Variants in ENKUR observed in about 807,000 individuals in gnomAD.
The protein encoded by ENKUR is enkurin.
ENKUR carries 19 observed loss-of-function variants against 27.6 expected under a neutral mutation model. That is an observed-to-expected ratio of 0.69 (90% CI 0.48 to 1.01). The LOEUF (loss-of-function observed/expected upper bound fraction) is 1.01. ENKUR is among the 50% of genes least tolerant of loss of function. ENKUR has a pLI of 0.00. For synonymous variants in ENKUR, 117 were observed against 96.9 expected (o/e 1.21, Z -1.22); for missense variants, 312 against 310.5 (o/e 1.00, Z -0.04).
At chr10:25,057,633 C>T (rs1331961415) in intron 2 of ENKUR, among the ~76,000 whole-genome samples, 5 of 152,098 alleles carry the variant, frequency 3.3e-5, no homozygotes, top group Non-Finnish European at 5.9e-5. Flanking sequence ...AAATTATCAC[C>T]CTTGTACCAC....
intron 2 of ENKUR, among the ~76,000 whole-genome samples, chr10:25,022,142 G>T (rs763955005): frequency 3.3e-5 from 5 of 152,114 alleles, no homozygotes; most frequent in Non-Finnish European, 5.9e-5. Flanking sequence ...CATTGCACAG[G>T]TATTATACTG....
intron 2 of ENKUR, among the ~76,000 whole-genome samples, chr10:25,045,008 A>G (rs1851106977): frequency 6.6e-6 from 1 of 152,156 alleles, no homozygotes; most frequent in African/African-American, 2.4e-5. Flanking sequence ...CTTACACTTT[A>G]TCCATTTATG....
chr10:25,061,307 C>G (rs1311512437), exon 2 of ENKUR: 1 of 662,008 alleles, frequency 1.5e-6, no homozygotes. Context: ...TTTCTTGTGC[C>G]GCTCCTCCAG....
At chr10:25,018,811 C>G (rs1238763350), upstream of ENKUR, among the ~76,000 whole-genome samples, 17 of 151,892 alleles carry the variant, frequency 1.1e-4, no homozygotes, top group Non-Finnish European at 2.2e-4. Flanking sequence ...ATTGTGGATA[C>G]TAAAGTTTTC....
chr10:25,003,836 C>T (rs887066428), intron 1 of ENKUR, among the ~76,000 whole-genome samples: 9 of 152,196 alleles, frequency 5.9e-5, no homozygotes, highest in Admixed American at 3.9e-4. Context: ...CCACCCCCAG[C>T]CTCCGATAGG....
intron 4 of ENKUR, 136 bp from the exon 5 acceptor site, chr10:24,985,041 T>C (rs1849751589): frequency 4.0e-6 from 3 of 748,948 alleles, no homozygotes; most frequent in African/African-American, 1.8e-5. Context: ...GAAATGTATT[T>C]ATCAAGTACT....
chr10:25,016,443 G>T (rs1850576008), upstream of ENKUR, among the ~76,000 whole-genome samples: 2 of 152,240 alleles, frequency 1.3e-5, no homozygotes, highest in South Asian at 2.1e-4. Flanking sequence ...TTGTGAGCAG[G>T]CCCCAATCGC....
chr10:25,023,773 GACTT>G (rs1175405684), intron 2 of ENKUR: 3 of 1,613,988 alleles, frequency 1.9e-6, no homozygotes, highest in South Asian at 1.1e-5. Context: ...ATCTATGAAA[GACTT>G]ACTTAAATTT....
Position 24,995,862 on chromosome 10 carries a change from GT to G in ENKUR, c.230del (p.Asn77ThrfsTer14), listed in dbSNP as rs749430462. 10 of 1,600,808 alleles carry G rather than the reference GT, an allele frequency of 6.2e-6. No individual in the cohort carries two copies. The highest frequency in any genetic ancestry group is 2.3e-5 in the South Asian group (2 of 87,194). ...GCTTTTTGGGCACGTTCCGATCAAA[GT>G]TTTTTTCTGTTAAATATAACATTTC... is the stretch of plus-strand genomic sequence containing the variant. ...SKEKTLPPKK[N>X]FDRNVPKKPA... On this transcript the variant is annotated frameshift_variant, in exon 3 of 6. Coordinates refer to ENST00000331161, the MANE Select transcript of ENKUR (RefSeq NM_145010.4). LOFTEE classifies it high-confidence loss of function.
chr10:24,990,655 T>C (rs2132675277), intron 3 of ENKUR, 46 bp from the exon 4 acceptor site: 1 of 1,545,550 alleles, frequency 6.5e-7, no homozygotes, highest in Non-Finnish European at 8.8e-7. Context: ...TTGTATGCAA[T>C]CTTACATATG....
At chr10:25,059,674 G>A (rs1851305000) in intron 2 of ENKUR, among the ~76,000 whole-genome samples, 1 of 152,068 alleles carries the variant, frequency 6.6e-6, no homozygotes, top group Non-Finnish European at 1.5e-5. Context: ...TACATTTTAG[G>A]GCCAGGCATG....
intron 2 of ENKUR, among the ~76,000 whole-genome samples, chr10:25,052,405 A>G (rs548691066): frequency 1.3e-5 from 2 of 152,294 alleles, no homozygotes; most frequent in Non-Finnish European, 2.9e-5. Flanking sequence ...TTATGGTAAG[A>G]TATATAATGT....
chr10:25,042,847 CAA>C (rs71399947), intron 2 of ENKUR, among the ~76,000 whole-genome samples: 7 of 138,244 alleles, frequency 5.1e-5, no homozygotes, highest in African/African-American at 1.9e-4. Context: ...GAGACTGTCT[CAA>C]AAAAAAAAAA....
intron 2 of ENKUR, among the ~76,000 whole-genome samples, chr10:25,043,424 T>G (rs1180193773): frequency 6.6e-6 from 1 of 152,162 alleles, no homozygotes; most frequent in Non-Finnish European, 1.5e-5. Context: ...TAAAAATTAG[T>G]CATCATTTAT....
rs570098309 is a variant in ENKUR at position 25,025,548 on chromosome 10, T to C, written c.38-29679A>G. The C allele has an allele frequency of 2.5e-5, 30 of 1,223,600 alleles. No individual in the cohort carries two copies. The African/African-American group carries it at 3.8e-4, about 16-fold the overall frequency. 75.8% of individuals were successfully genotyped at this position (1,223,600 alleles called of 1,614,324 possible). A position where few individuals can be genotyped will look rare whatever the true frequency, so the allele number is the denominator to read the frequency against. ...GAGTACAGTAGCATTTTGTCTTTTA[T>C]GTAAATATCTCTATATCTGTTTGGA... is the stretch of plus-strand genomic sequence containing the variant. On this transcript the variant is annotated intron_variant, in intron 2 of 5. Coordinates refer to the ENKUR transcript ENST00000615958.
At chr10:25,054,958 A>C (rs1385857367) in intron 2 of ENKUR, among the ~76,000 whole-genome samples, 1 of 152,160 alleles carries the variant, frequency 6.6e-6, no homozygotes, top group Non-Finnish European at 1.5e-5. Context: ...TACAGGCGTG[A>C]GCCACTGCAC....
At chr10:25,052,570 C>T (rs540110722) in intron 2 of ENKUR, among the ~76,000 whole-genome samples, 1 of 152,096 alleles carries the variant, frequency 6.6e-6, no homozygotes, top group Non-Finnish European at 1.5e-5. Context: ...AGTTTGAGAC[C>T]AGCCTGGGAA....
intron 2 of ENKUR, chr10:25,023,996 GGTTGGCTTCTGAT>G: frequency 6.2e-7 from 1 of 1,614,148 alleles, no homozygotes; most frequent in Non-Finnish European, 8.5e-7. Flanking sequence ...GTAATTGAGG[GGTTGGCTTCTGAT>G]GGTGGCCTCT....
intron 1 of ENKUR, 27 bp from the exon 2 acceptor site, chr10:24,999,573 C>T (rs1051023848): frequency 6.4e-7 from 1 of 1,556,576 alleles, no homozygotes; most frequent in South Asian, 1.2e-5. Flanking sequence ...AAAGTTGTAG[C>T]ATTTATACTT....
Sources: gnomAD v4.1 joint callset for allele counts (sites outside exome capture counted in the v4.1 genomes callset) on GRCh38, gnomAD v4.1.1 for gene constraint, MANE v1.5 for transcripts, NCBI Gene and HGNC (gene_info 2026-07-23, HGNC 2026-07-21) for gene names.